The following FRMPD4 variants were observed in gnomAD, a reference collection of about 807,000 sequenced individuals.
FRMPD4 encodes the protein FERM and PDZ domain containing 4, also known as FERM and PDZ domain-containing protein 4.
In FRMPD4, 22 loss-of-function variants were observed where a neutral mutation model predicts 94.1. That is an observed-to-expected ratio of 0.23 (90% CI 0.17 to 0.33). The LOEUF (loss-of-function observed/expected upper bound fraction) is 0.33. Among genes scored for constraint, FRMPD4 ranks in the 10% least tolerant of loss-of-function variants. The pLI, the probability that FRMPD4 is intolerant of heterozygous loss-of-function variation, is 1.00. For missense variants in FRMPD4, 1,111 were observed against 1,339.9 expected, an observed-to-expected ratio of 0.83 and a Z score of 2.67; for synonymous variants, 631 against 548.6, an observed-to-expected ratio of 1.15 and a Z score of -2.10.
chrX:12,234,309 T>C (rs2057047407), intron 1 of FRMPD4, among the ~76,000 whole-genome samples: 1 of 111,897 alleles, frequency 8.9e-6, no homozygotes, highest in Non-Finnish European at 1.9e-5. Flanking sequence ...TGTGTGTATG[T>C]GTGTGTGTTG....
chrX:11,888,294 A>AT (rs768638559), intron 3 of FRMPD4, among the ~76,000 whole-genome samples: 208 of 111,743 alleles, frequency 1.9e-3, no homozygotes, highest in African/African-American at 6.4e-3. Flanking sequence ...CTATGTTGTC[A>AT]TTTTTTTGGT....
intron 3 of FRMPD4, among the ~76,000 whole-genome samples, chrX:12,000,828 C>T (rs183664058): frequency 1.3e-4 from 14 of 111,924 alleles, no homozygotes; most frequent in African/African-American, 3.9e-4. Context: ...CATAAAATTG[C>T]GTCTTTCATT....
At chrX:12,477,872 T>C (rs969185789) in intron 1 of FRMPD4, among the ~76,000 whole-genome samples, 10 of 112,532 alleles carry the variant, frequency 8.9e-5, no homozygotes, top group Non-Finnish European at 1.5e-4. Flanking sequence ...AACTTACAGT[T>C]TTGTTTTCTT....
At chrX:12,679,394 C>A (rs764173066) in intron 5 of FRMPD4, among the ~76,000 whole-genome samples, 1 of 111,951 alleles carries the variant, frequency 8.9e-6, no homozygotes, top group East Asian at 2.8e-4. Context: ...GCCGATTCAA[C>A]CAACCAGGCG....
intron 1 of FRMPD4, among the ~76,000 whole-genome samples, chrX:12,171,651 G>C: frequency 8.9e-6 from 1 of 112,039 alleles, no homozygotes; most frequent in Non-Finnish European, 1.9e-5. Flanking sequence ...AGCAAAGCCT[G>C]TTGTTGACCC....
At chrX:12,300,369 G>C (rs994785844) in intron 1 of FRMPD4, among the ~76,000 whole-genome samples, 1 of 111,834 alleles carries the variant, frequency 8.9e-6, no homozygotes, top group Non-Finnish European at 1.9e-5. Context: ...GGGCCAGTAA[G>C]GCTCTGGAGG....
At chrX:12,284,638 C>T (rs1056443819) in intron 1 of FRMPD4, among the ~76,000 whole-genome samples, 1 of 111,789 alleles carries the variant, frequency 8.9e-6, no homozygotes, top group Non-Finnish European at 1.9e-5. Context: ...AGTGAAAGCA[C>T]GTCTCCCATC....
At chrX:12,291,565 G>A (rs12395902) in intron 1 of FRMPD4, among the ~76,000 whole-genome samples, 10,106 of 111,694 alleles carry the variant, frequency 0.09, 1,139 homozygotes, top group African/African-American at 0.31. Context: ...TCCTACAGCA[G>A]TATCAACTTT....
At chrX:12,354,077 T>G (rs1342301860) in intron 1 of FRMPD4, among the ~76,000 whole-genome samples, 1 of 112,312 alleles carries the variant, frequency 8.9e-6, no homozygotes, top group Non-Finnish European at 1.9e-5. Flanking sequence ...CTAAAATGTT[T>G]AAATGATTTT....
At chrX:12,555,627 A>T (rs747781640) in intron 2 of FRMPD4, among the ~76,000 whole-genome samples, 98 of 111,738 alleles carry the variant, frequency 8.8e-4, no homozygotes, top group African/African-American at 3.0e-3. Context: ...TTAGAGGCAG[A>T]CATCGCCATA....
At chrX:11,967,756 G>GTGTGTGTGTTTTTTTTTTTTTTTTT (rs36019385) in intron 3 of FRMPD4, among the ~76,000 whole-genome samples, 2 of 65,556 alleles carry the variant, frequency 3.1e-5, no homozygotes, top group Non-Finnish European at 5.7e-5. Context: ...GTGTGTGTGT[G>GTGTGTGTGTTTTTTTTTTTTTTTTT]TTTTTTTTTT....
intron 1 of FRMPD4, among the ~76,000 whole-genome samples, chrX:12,166,729 G>T (rs955593478): frequency 2.7e-5 from 3 of 111,239 alleles, no homozygotes; most frequent in African/African-American, 6.5e-5. Flanking sequence ...CAATTTCAGA[G>T]CCTGTTATTG....
chrX:12,276,542 A>G (rs1324502182), intron 1 of FRMPD4, among the ~76,000 whole-genome samples: 2 of 112,356 alleles, frequency 1.8e-5, no homozygotes, highest in Non-Finnish European at 3.8e-5. Flanking sequence ...GGGGTTGTAG[A>G]GACCAAGGTT....
At chrX:11,929,067 A>T (rs1319185769) in intron 3 of FRMPD4, among the ~76,000 whole-genome samples, 1 of 112,405 alleles carries the variant, frequency 8.9e-6, no homozygotes, top group Non-Finnish European at 1.9e-5. Flanking sequence ...ACACATGGAC[A>T]CATAGTGGGG....
At chrX:12,316,421 G>A (rs1186905725) in intron 1 of FRMPD4, among the ~76,000 whole-genome samples, 2 of 111,388 alleles carry the variant, frequency 1.8e-5, no homozygotes, top group African/African-American at 3.3e-5. Context: ...CCAAAGTGCC[G>A]GGATTACAGG....
At chrX:12,271,909 A>G (rs185232724) in intron 1 of FRMPD4, among the ~76,000 whole-genome samples, 40 of 111,781 alleles carry the variant, frequency 3.6e-4, no homozygotes, top group African/African-American at 1.3e-3. Context: ...CCAATCTCCC[A>G]CTGATATAGA....
intron 1 of FRMPD4, among the ~76,000 whole-genome samples, chrX:12,239,033 C>T (rs1440870789): frequency 1.8e-5 from 2 of 112,194 alleles, no homozygotes; most frequent in African/African-American, 6.5e-5. Flanking sequence ...TACATGTCAT[C>T]GTATATGAAT....
At chrX:12,445,694 G>A (rs929169043) in intron 1 of FRMPD4, among the ~76,000 whole-genome samples, 1 of 112,719 alleles carries the variant, frequency 8.9e-6, no homozygotes, top group African/African-American at 3.2e-5. Context: ...AATGGAAGTT[G>A]AAGCAAAGTC....
intron 1 of FRMPD4, among the ~76,000 whole-genome samples, chrX:12,393,154 A>G (rs1375645747): frequency 8.9e-6 from 1 of 112,211 alleles, no homozygotes; most frequent in African/African-American, 3.2e-5. Flanking sequence ...CTTCTTAAGA[A>G]TAAAGTACTA....
Sources: gnomAD v4.1 joint callset for allele counts (sites outside exome capture counted in the v4.1 genomes callset) on GRCh38, gnomAD v4.1.1 for gene constraint, MANE v1.5 for transcripts, NCBI Gene and HGNC (gene_info 2026-07-23, HGNC 2026-07-21) for gene names.